Variants in PCDHGA3 observed in about 807,000 individuals in gnomAD.
The protein encoded by PCDHGA3 is protocadherin gamma subfamily A, 3.
Under a neutral mutation model 58.5 loss-of-function variants are expected in PCDHGA3, and 40 were observed. That is an observed-to-expected ratio of 0.68 (90% CI 0.53 to 0.89). The LOEUF (loss-of-function observed/expected upper bound fraction) is 0.89. PCDHGA3 is among the 40% of genes least tolerant of loss of function. The pLI is 0.00. For missense variants in PCDHGA3, 1,223 were observed against 1,195.9 expected (o/e 1.02, Z -0.33); for synonymous variants, 530 against 525.7 (o/e 1.01, Z -0.11).
rs1562144438 is a variant in PCDHGA3, at chr5:141,491,135, G to T, written c.2425-3672G>T. The T allele has an allele frequency of 6.2e-7, 1 of 1,613,986 alleles. No individual in the cohort carries two copies. Among genetic ancestry groups the T allele is most frequent in the Non-Finnish European group, 8.5e-7 (1 of 1,180,000 alleles). On this transcript the variant is annotated intron_variant, in intron 1 of 3. Transcript: ENST00000253812. This position sits in a 1 kb window ranked among gnomAD's most constrained non-coding sequence, Gnocchi z 6.9. ...CACACTGGTGAGGTGCGCACAGCCC[G>T]GGCCTTACTGGAGGATGACTCTGAC...
chr5:141,403,390 G>C (rs1471861396), intron 1 of PCDHGA3: 2 of 1,613,920 alleles, frequency 1.2e-6, no homozygotes, highest in Admixed American at 1.7e-5. Flanking sequence ...ACGAAATCGC[G>C]GTTCCTGGAG....
chr5:141,350,695 C>G (rs570147190), intron 1 of PCDHGA3: 2 of 1,613,816 alleles, frequency 1.2e-6, no homozygotes, highest in African/African-American at 1.3e-5. Flanking sequence ...CAGCCTTACC[C>G]GGGGTAAAAT....
At chr5:141,465,141 A>AT (rs1341872532) in intron 1 of PCDHGA3, among the ~76,000 whole-genome samples, 2 of 151,678 alleles carry the variant, frequency 1.3e-5, no homozygotes, top group Non-Finnish European at 2.9e-5. Flanking sequence ...AGTTTAGGGG[A>AT]TATATGAAGG....
chr5:141,439,368 A>C (rs1346879772), intron 1 of PCDHGA3, among the ~76,000 whole-genome samples: 1 of 152,192 alleles, frequency 6.6e-6, no homozygotes, highest in East Asian at 1.9e-4. Flanking sequence ...CATCAAGAAG[A>C]AATAAAAATA....
intron 1 of PCDHGA3, among the ~76,000 whole-genome samples, chr5:141,465,276 C>A (rs558169180): frequency 6.6e-6 from 1 of 152,254 alleles, no homozygotes; most frequent in South Asian, 2.1e-4. Context: ...CCATTTAGTT[C>A]ACCCCTAAAG....
chr5:141,435,073 G>A (rs535689336), intron 1 of PCDHGA3, among the ~76,000 whole-genome samples: 150 of 151,756 alleles, frequency 9.9e-4, no homozygotes, highest in Middle Eastern at 3.4e-3. Flanking sequence ...TGTGTAGACC[G>A]TCTGATAACA....
intron 1 of PCDHGA3, chr5:141,365,877 C>G (rs1764180285): frequency 1.2e-6 from 2 of 1,614,008 alleles, no homozygotes; most frequent in East Asian, 4.5e-5. Context: ...GTCCTGTATG[C>G]TCTGAGATCC....
chr5:141,458,918 A>C (rs1173274380), intron 1 of PCDHGA3, among the ~76,000 whole-genome samples: 1 of 152,022 alleles, frequency 6.6e-6, no homozygotes, highest in Non-Finnish European at 1.5e-5. Context: ...TTTTTTGTGG[A>C]GACGGGGTCT....
At chr5:141,474,893 T>C (rs1406276730) in intron 1 of PCDHGA3, among the ~76,000 whole-genome samples, 1 of 152,256 alleles carries the variant, frequency 6.6e-6, no homozygotes, top group East Asian at 1.9e-4. Flanking sequence ...TAGAGGTTCA[T>C]TTCTTGTTCA....
intron 1 of PCDHGA3, chr5:141,372,339 G>A (rs751001716): frequency 6.2e-7 from 1 of 1,613,798 alleles, no homozygotes; most frequent in South Asian, 1.1e-5. Flanking sequence ...TGTGCGTGAT[G>A]GAGGACAGCA....
rs368785983 is a variant in PCDHGA3 at position 141,393,012 on chromosome 5, G to A, written c.2424+46555G>A. The A allele has an allele frequency of 1.4e-5, 23 of 1,613,724 alleles. No homozygotes were observed. Among genetic ancestry groups the A allele is most frequent in the Non-Finnish European group, 1.9e-5 (23 of 1,179,884 alleles). ...GCTGGCGAAGCACGGAGTCCGTATC[G>A]TCTCCAGAGGTAGGACGCAGCTCTT... On this transcript the variant is annotated intron_variant, in intron 1 of 3. Transcript: ENST00000253812.
At chr5:141,375,579 C>G in intron 1 of PCDHGA3, 1 of 1,614,114 alleles carries the variant, frequency 6.2e-7, no homozygotes, top group South Asian at 1.1e-5. Flanking sequence ...CTCCAGGGGG[C>G]GCCCCTGTCC....
At chr5:141,442,472 C>A (rs1032989256) in intron 1 of PCDHGA3, 4 of 152,204 alleles carry the variant, frequency 2.6e-5, no homozygotes, top group African/African-American at 9.7e-5. Flanking sequence ...GCAGAAAGCC[C>A]CTTGGGGAAG....
intron 1 of PCDHGA3, chr5:141,392,764 C>G: frequency 6.8e-7 from 1 of 1,480,722 alleles, no homozygotes; most frequent in Non-Finnish European, 9.0e-7. Flanking sequence ...CTAAATAAGA[C>G]CCATTTATGC....
intron 1 of PCDHGA3, chr5:141,384,015 A>G: frequency 6.2e-7 from 1 of 1,613,830 alleles, no homozygotes; most frequent in Non-Finnish European, 8.5e-7. Flanking sequence ...TCTACCTACA[A>G]GACAGAGATT....
chr5:141,485,961 A>G lies in PCDHGA3; in HGVS notation c.2425-8846A>G. Reference sequence around the variant, plus strand: ...GCACCAGCGGGCATGGTGCTCATCCAGCTCAATGCCTCAGACCCGGACCTG... The same window carrying G: ...GCACCAGCGGGCATGGTGCTCATCCGGCTCAATGCCTCAGACCCGGACCTG... On this transcript the variant is annotated intron_variant, in intron 1 of 3. Coordinates refer to ENST00000253812, the MANE Select transcript of PCDHGA3 (RefSeq NM_018916.4). This position sits in a 1 kb window ranked among gnomAD's most constrained non-coding sequence, Gnocchi z 5.7. 1 of 1,614,204 alleles carries G rather than the reference A, an allele frequency of 6.2e-7. No individual in the cohort carries two copies. Among genetic ancestry groups the G allele is most frequent in the Non-Finnish European group, 8.5e-7 (1 of 1,180,028 alleles).
At chr5:141,356,349 A>G in intron 1 of PCDHGA3, 2 of 1,555,872 alleles carry the variant, frequency 1.3e-6, no homozygotes, top group Non-Finnish European at 1.7e-6. Context: ...GCCTAGTCAC[A>G]TGTTCTATTC....
chr5:141,408,909 A>G lies in PCDHGA3; in HGVS notation c.2424+62452A>G, dbSNP rs746399377. On this transcript the variant is annotated intron_variant, in intron 1 of 3. Transcript: ENST00000253812. ...ATAGAAATTTCTGTCAAGGATACCA[A>G]TGATAACCCCCCGGTTTTCAGCAGA... 1.3e-5 allele frequency: 21 copies of G among 1,613,442 alleles called. No individual in the cohort carries two copies. In the East Asian group the frequency reaches 2.5e-4, roughly 19 times the overall value.
In PCDHGA3 at chr5:141,486,671, C is replaced by A. The variant is rs1307620045; in HGVS notation, c.2425-8136C>A. On this transcript the variant is annotated intron_variant, in intron 1 of 3. Coordinates refer to ENST00000253812, the MANE Select transcript of PCDHGA3 (RefSeq NM_018916.4). The surrounding 1 kb of genome is among the most constrained non-coding windows in gnomAD (Gnocchi z 5.0). The stretch of plus-strand genomic sequence containing the variant: ...CTACTCACTCCTGGAGCCCAGGAAT[C>A]GAGATGTATCAGCTTCCTCTTTCAT... 1.9e-6 allele frequency: 3 copies of A among 1,614,044 alleles called. No individual in the cohort carries two copies. The highest frequency in any genetic ancestry group is 2.5e-6 in the Non-Finnish European group (3 of 1,180,014).
Sources: gnomAD v4.1 joint callset for allele counts (sites outside exome capture counted in the v4.1 genomes callset) on GRCh38, gnomAD v4.1.1 for gene constraint, Gnocchi (gnomAD v3.1) non-coding constraint, MANE v1.5 for transcripts, NCBI Gene and HGNC (gene_info 2026-07-23, HGNC 2026-07-21) for gene names.